Variants in GAREM1 observed in about 807,000 individuals in gnomAD.
GAREM1 encodes the protein GRB2 associated regulator of MAPK1 subtype 1.
GAREM1 carries 26 observed loss-of-function variants against 71.3 expected under a neutral mutation model. That is an observed-to-expected ratio of 0.36 (90% CI 0.27 to 0.51). The LOEUF (loss-of-function observed/expected upper bound fraction) is 0.51. GAREM1 is among the 20% of genes least tolerant of loss of function. GAREM1 has a pLI of 0.95. For missense variants in GAREM1, 1,026 were observed against 1,103.1 expected, an observed-to-expected ratio of 0.93 and a Z score of 0.99; for synonymous variants, 440 against 433.2, an observed-to-expected ratio of 1.02 and a Z score of -0.20.
At chr18:32,403,812 GGTTT>G (rs1323887484) in intron 1 of GAREM1, among the ~76,000 whole-genome samples, 1 of 152,108 alleles carries the variant, frequency 6.6e-6, no homozygotes, top group African/African-American at 2.4e-5. Flanking sequence ...TGAATTTATA[GGTTT>G]GTTTTAGAGC....
At chr18:32,323,128 A>C (rs1164647987) in intron 2 of GAREM1, among the ~76,000 whole-genome samples, 1 of 152,194 alleles carries the variant, frequency 6.6e-6, no homozygotes, top group African/African-American at 2.4e-5. Context: ...TTTTTATGTA[A>C]ATGTGTTCAA....
Position 32,272,744 on chromosome 18 carries a change from C to T in GAREM1, c.1567-2361G>A, listed in dbSNP as rs371886470. 5.9e-5 allele frequency among the ~76,000 whole-genome samples: 9 copies of T among 152,174 alleles called. No homozygotes were observed. In the East Asian group the frequency reaches 1.2e-3, roughly 20 times the overall value. On this transcript the variant is annotated intron_variant, in intron 4 of 5. Coordinates refer to ENST00000269209, the MANE Select transcript of GAREM1 (RefSeq NM_001242409.2). ...GTTCCAGCGATTCTGCTGCCTCAGC[C>T]TCCTGAGTAGCTGGGATCACAGGCA...
In GAREM1 at chr18:32,268,299, C is replaced by T; in HGVS notation, c.2203G>A (p.Glu735Lys). 3 of 1,614,144 alleles carry T rather than the reference C, an allele frequency of 1.9e-6. No individual in the cohort carries two copies. Among genetic ancestry groups the T allele is most frequent in the Non-Finnish European group, 2.5e-6 (3 of 1,180,024 alleles). Residue 735 changes from glutamate (E) to lysine (K), a missense_variant, in exon 6 of 6, where the codon GAG (glutamate) becomes AAG (lysine). Glu to Lys is a moderately conservative substitution (Grantham distance 56, BLOSUM62 1). Coordinates refer to ENST00000269209, the MANE Select transcript of GAREM1 (RefSeq NM_001242409.2). ...GGAGATGTTTCGGAGGCGACCTTCT[C>T]TTCCACTAGTTTTGGAGCCCTGGGG... ...LPPRAPKLVE[E>K]KVASETSPLP...
intron 3 of GAREM1, among the ~76,000 whole-genome samples, chr18:32,304,061 C>T (rs2047225189): frequency 6.6e-6 from 1 of 151,860 alleles, no homozygotes; most frequent in Non-Finnish European, 1.5e-5. Context: ...AATCCCAGCA[C>T]TTTGGGAGGC....
intron 2 of GAREM1, among the ~76,000 whole-genome samples, chr18:32,360,961 C>T (rs1159652225): frequency 6.6e-6 from 1 of 152,170 alleles, no homozygotes. Flanking sequence ...CATGATGCAA[C>T]ATTTCCAGTT....
At chr18:32,341,700 T>C (rs547912895) in intron 2 of GAREM1, among the ~76,000 whole-genome samples, 91 of 152,314 alleles carry the variant, frequency 6.0e-4, no homozygotes, top group African/African-American at 2.0e-3. Flanking sequence ...TTTTGGAAGA[T>C]CGTCACACTC....
chr18:32,291,705 A>G (rs2047089916), intron 3 of GAREM1, among the ~76,000 whole-genome samples: 2 of 144,014 alleles, frequency 1.4e-5, no homozygotes, highest in South Asian at 4.4e-4. Flanking sequence ...ATGTGATCTC[A>G]TTGTTAACTC....
intron 1 of GAREM1, among the ~76,000 whole-genome samples, chr18:32,438,740 T>G (rs1415852962): frequency 6.6e-6 from 1 of 152,244 alleles, no homozygotes; most frequent in Non-Finnish European, 1.5e-5. Flanking sequence ...AAATGAAATC[T>G]ATAATAACAT....
chr18:32,436,925 T>C (rs894577390), intron 1 of GAREM1, among the ~76,000 whole-genome samples: 9 of 152,088 alleles, frequency 5.9e-5, no homozygotes, highest in Non-Finnish European at 1.3e-4. Context: ...ATTTTTTGAG[T>C]CAATAAATGT....
intron 3 of GAREM1, among the ~76,000 whole-genome samples, chr18:32,293,709 T>C (rs1381757782): frequency 6.6e-6 from 1 of 152,186 alleles, no homozygotes; most frequent in Admixed American, 6.5e-5. Flanking sequence ...AGAATGCTTA[T>C]TCACTGCAAG....
chr18:32,364,026 A>T (rs1276766203), intron 2 of GAREM1, among the ~76,000 whole-genome samples: 2,369 of 46,196 alleles, frequency 0.051, 157 homozygotes, highest in African/African-American at 0.17. Context: ...ATATATATAT[A>T]TGTTTTTTTT....
At chr18:32,396,819 C>A (rs1251195039) in intron 1 of GAREM1, among the ~76,000 whole-genome samples, 1 of 152,070 alleles carries the variant, frequency 6.6e-6, no homozygotes, top group East Asian at 1.9e-4. Context: ...CACAAAGATA[C>A]TCCTCGAGAA....
intron 2 of GAREM1, among the ~76,000 whole-genome samples, chr18:32,349,613 T>C (rs2047728590): frequency 6.6e-6 from 1 of 152,182 alleles, no homozygotes. Context: ...AAATTATAAA[T>C]ATAGATATAA....
At chr18:32,453,816 G>A (rs2144297667) in intron 1 of GAREM1, among the ~76,000 whole-genome samples, 1 of 152,262 alleles carries the variant, frequency 6.6e-6, no homozygotes, top group South Asian at 2.1e-4. Context: ...CTGTGTGCAT[G>A]TGTGTTGTAT....
chr18:32,275,300 T>C (rs1460496965), intron 4 of GAREM1, among the ~76,000 whole-genome samples: 1 of 152,212 alleles, frequency 6.6e-6, no homozygotes, highest in African/African-American at 2.4e-5. Flanking sequence ...AGCCTTTCTA[T>C]TTATTTCCAA....
Position 32,287,178 on chromosome 18 carries a change from G to A in GAREM1, c.1419C>T (p.Ser473=), listed in dbSNP as rs750428244. Residue 473 remains serine, a synonymous_variant, in exon 4 of 6, where the codon AGC becomes AGT. Transcript: ENST00000269209. The surrounding 1 kb of genome is among the most constrained non-coding windows in gnomAD (Gnocchi z 5.9). ...TAAACTGATCACATCTGTTCTTCTC[G>A]CTCAGAGAGCGAGTGAGAGGCTGAT... is the stretch of plus-strand genomic sequence containing the variant. ...PSHQPLTRSL[S]EKNRCDQFRG... 7.4e-6 allele frequency: 12 copies of A among 1,614,214 alleles called. No individual in the cohort carries two copies. The highest frequency in any genetic ancestry group is 1.0e-5 in the Non-Finnish European group (12 of 1,180,032).
At chr18:32,276,847 AGAAGT>A (rs1320462726) in intron 4 of GAREM1, among the ~76,000 whole-genome samples, 1 of 152,180 alleles carries the variant, frequency 6.6e-6, no homozygotes, top group Non-Finnish European at 1.5e-5. Context: ...ATCCCAGATG[AGAAGT>A]GAAGAAGGCT....
intron 2 of GAREM1, among the ~76,000 whole-genome samples, chr18:32,350,262 A>G (rs1412012195): frequency 6.6e-6 from 1 of 152,212 alleles, no homozygotes; most frequent in Non-Finnish European, 1.5e-5. Context: ...AAGTCTATTT[A>G]TGAAAGTAAT....
intron 1 of GAREM1, among the ~76,000 whole-genome samples, chr18:32,445,868 A>T (rs1212152279): frequency 2.0e-5 from 3 of 152,194 alleles, no homozygotes; most frequent in Admixed American, 6.6e-5. Context: ...GCAAAAAAAA[A>T]TATAGGTTAA....
Sources: allele counts gnomAD v4.1 joint callset (sites outside exome capture counted in the v4.1 genomes callset), GRCh38; gene constraint gnomAD v4.1.1; non-coding constraint Gnocchi (gnomAD v3.1); transcripts MANE v1.5; gene names NCBI Gene and HGNC (gene_info 2026-07-23, HGNC 2026-07-21).